SUPT3H: variants seen among roughly 807,000 people sequenced by gnomAD.
SUPT3H encodes SPT3 homolog, SAGA and STAGA complex component.
In SUPT3H, 44 loss-of-function variants were observed where a neutral mutation model predicts 44.3. That is an observed-to-expected ratio of 0.99 (90% CI 0.78 to 1.28). The LOEUF (loss-of-function observed/expected upper bound fraction) is 1.28. Ranked by LOEUF, SUPT3H falls within the 50% of genes most tolerant of loss-of-function variation. The pLI is 0.00. For missense variants in SUPT3H, 380 were observed against 387.1 expected (o/e 0.98, Z 0.15); for synonymous variants, 124 against 125.6 (o/e 0.99, Z 0.09).
At chr6:44,941,590 T>C (rs1462460185) in intron 9 of SUPT3H, among the ~76,000 whole-genome samples, 2 of 152,158 alleles carry the variant, frequency 1.3e-5, no homozygotes, top group Admixed American at 6.6e-5. Context: ...GAAAAAATAA[T>C]AGAGGTTCAC....
At chr6:45,014,414 C>T (rs1273390068) in intron 5 of SUPT3H, among the ~76,000 whole-genome samples, 5 of 152,082 alleles carry the variant, frequency 3.3e-5, no homozygotes, top group Admixed American at 1.3e-4. Flanking sequence ...CCACGTGTTA[C>T]ACAATATAAT....
chr6:45,005,280 T>C (rs58164361), intron 5 of SUPT3H, among the ~76,000 whole-genome samples: 1 of 152,196 alleles, frequency 6.6e-6, no homozygotes, highest in Non-Finnish European at 1.5e-5. Flanking sequence ...TGAATAAGCC[T>C]TTCTGTTAAT....
intron 1 of SUPT3H, among the ~76,000 whole-genome samples, chr6:45,375,332 A>G (rs1215204125): frequency 6.6e-6 from 1 of 152,210 alleles, no homozygotes; most frequent in Non-Finnish European, 1.5e-5. Context: ...ACATTTTGAT[A>G]GTGAAAGGGG....
chr6:45,250,120 G>A (rs561326109), intron 2 of SUPT3H, among the ~76,000 whole-genome samples: 11 of 152,096 alleles, frequency 7.2e-5, no homozygotes, highest in Middle Eastern at 6.8e-3. Flanking sequence ...TTGATGCCTC[G>A]GTCTTAAGTA....
intron 2 of SUPT3H, among the ~76,000 whole-genome samples, chr6:45,361,280 A>G (rs1234049948): frequency 6.6e-6 from 1 of 152,172 alleles, no homozygotes; most frequent in Non-Finnish European, 1.5e-5. Context: ...CATGTAAACA[A>G]GATTTTTTCA....
chr6:45,348,433 G>A (rs1252168709), intron 2 of SUPT3H, among the ~76,000 whole-genome samples: 4 of 149,170 alleles, frequency 2.7e-5, no homozygotes, highest in African/African-American at 5.0e-5. Context: ...TTGGGAGGCC[G>A]AGGTAGAAGG....
intron 6 of SUPT3H, among the ~76,000 whole-genome samples, chr6:44,972,080 C>T (rs1313750319): frequency 1.3e-5 from 2 of 152,066 alleles, no homozygotes; most frequent in East Asian, 1.9e-4. Context: ...AGCCAACATC[C>T]CCCAAAGTCT....
At chr6:45,214,015 C>CAAAAAAAAAAAAA (rs11418358) in intron 2 of SUPT3H, among the ~76,000 whole-genome samples, 2 of 74,096 alleles carry the variant, frequency 2.7e-5, no homozygotes, top group African/African-American at 5.3e-5. Flanking sequence ...TTTTGAAATG[C>CAAAAAAAAAAAAA]AAAAAAAAAA....
intron 3 of SUPT3H, among the ~76,000 whole-genome samples, chr6:45,068,598 T>A (rs996109204): frequency 1.3e-5 from 2 of 152,216 alleles, no homozygotes; most frequent in Admixed American, 1.3e-4. Flanking sequence ...TATTCCACTT[T>A]ATTTTTGGCA....
rs1182771423 is a variant in SUPT3H, at chr6:45,063,985, G to A, written c.186+41937C>T. Among the ~76,000 whole-genome samples, 68 of 86,290 alleles carry A rather than the reference G, an allele frequency of 7.9e-4. 1 individual carries two copies. The highest frequency in any genetic ancestry group is 3.2e-3 in the African/African-American group (65 of 20,310). 56.6% of individuals were successfully genotyped at this position (86,290 alleles called of 152,430 possible). On this transcript the variant is annotated intron_variant, in intron 3 of 10. Coordinates refer to ENST00000371459, the MANE Select transcript of SUPT3H (RefSeq NM_003599.4). ...GCCACAAAGATACTCCTCAAGAAGAGCAACTCCAAGACACATAATTGTCAG... is the reference window on the plus strand; with the variant it reads ...GCCACAAAGATACTCCTCAAGAAGAACAACTCCAAGACACATAATTGTCAG...
At chr6:45,180,479 T>G (rs1320264331) in intron 2 of SUPT3H, among the ~76,000 whole-genome samples, 1 of 146,036 alleles carries the variant, frequency 6.8e-6, no homozygotes. Context: ...ACTACAAGGC[T>G]ACAGTAACCA....
chr6:44,885,558 G>C (rs1762120412), intron 10 of SUPT3H, among the ~76,000 whole-genome samples: 1 of 152,184 alleles, frequency 6.6e-6, no homozygotes, highest in South Asian at 2.1e-4. Context: ...TAAGGGTCCT[G>C]TCTGTTAGAA....
intron 11 of SUPT3H, among the ~76,000 whole-genome samples, chr6:44,810,772 G>A (rs1766460346): frequency 6.6e-6 from 1 of 152,110 alleles, no homozygotes; most frequent in Non-Finnish European, 1.5e-5. Context: ...CAGGCCTGGT[G>A]GCACATGCCT....
At chr6:45,003,543 A>C (rs1782284330) in intron 6 of SUPT3H, 110 bp downstream of exon 6, 8 of 1,306,284 alleles carry the variant, frequency 6.1e-6, no homozygotes, top group Non-Finnish European at 8.3e-6. Flanking sequence ...ACATAAAACC[A>C]CTGACTTAGA....
intron 2 of SUPT3H, among the ~76,000 whole-genome samples, chr6:45,147,611 G>C (rs1806290471): frequency 6.6e-6 from 1 of 151,928 alleles, no homozygotes; most frequent in African/African-American, 2.4e-5. Context: ...ATTTCCAACA[G>C]CACAGACAAG....
intron 2 of SUPT3H, among the ~76,000 whole-genome samples, chr6:45,288,257 A>C (rs1779636171): frequency 6.6e-6 from 1 of 152,060 alleles, no homozygotes; most frequent in Admixed American, 6.6e-5. Context: ...AAAAGGGCTG[A>C]AACTAATGTA....
chr6:45,204,626 A>T (rs1762958040), intron 2 of SUPT3H, among the ~76,000 whole-genome samples: 1 of 152,154 alleles, frequency 6.6e-6, no homozygotes, highest in South Asian at 2.1e-4. Flanking sequence ...TCATCACATA[A>T]CATTTCATTT....
At chr6:45,113,580 C>T (rs934913313) in intron 2 of SUPT3H, among the ~76,000 whole-genome samples, 2 of 152,074 alleles carry the variant, frequency 1.3e-5, no homozygotes, top group African/African-American at 4.8e-5. Flanking sequence ...AACCCCAGCA[C>T]TTTGGGAGGC....
chr6:45,284,392 T>TA (rs1778807714), intron 2 of SUPT3H, among the ~76,000 whole-genome samples: 1 of 151,730 alleles, frequency 6.6e-6, no homozygotes, highest in South Asian at 2.1e-4. Context: ...ATACATGCAA[T>TA]AAAAAATGAT....
Sources: allele counts gnomAD v4.1 joint callset (sites outside exome capture counted in the v4.1 genomes callset), GRCh38; gene constraint gnomAD v4.1.1; transcripts MANE v1.5; gene names NCBI Gene and HGNC (gene_info 2026-07-23, HGNC 2026-07-21).